The following PEX14 variants were observed in gnomAD, a reference collection of about 807,000 sequenced individuals.
PEX14 encodes peroxisomal membrane protein PEX14.
PEX14 carries 15 observed loss-of-function variants against 49.5 expected under a neutral mutation model. That is an observed-to-expected ratio of 0.30 (90% confidence interval 0.20 to 0.47). PEX14 has a LOEUF of 0.47. Ranked by LOEUF, PEX14 falls within the 20% of genes least tolerant of loss-of-function variation. The probability of loss-of-function intolerance (pLI) is 1.00; values close to 1 mark genes in which losing one functional copy is unlikely to be tolerated. For missense variants in PEX14, 398 were observed against 494.8 expected (o/e 0.80, Z 1.86); for synonymous variants, 210 against 212.7 (o/e 0.99, Z 0.11).
At chr1:10,509,595 G>A (rs926096229) in intron 2 of PEX14, among the ~76,000 whole-genome samples, 21 of 152,076 alleles carry the variant, frequency 1.4e-4, no homozygotes, top group Admixed American at 1.2e-3. Context: ...ACCTCAGCGG[G>A]CTCCATCAGG....
intron 2 of PEX14, among the ~76,000 whole-genome samples, chr1:10,498,044 C>G (rs1447177820): frequency 1.3e-5 from 2 of 152,190 alleles, no homozygotes; most frequent in African/African-American, 4.8e-5. Context: ...CTTTGGGAGG[C>G]CAAGGTCGGG....
chr1:10,495,429 G>A lies in PEX14; in HGVS notation c.84+108G>A, dbSNP rs577790338. The A allele has an allele frequency of 1.1e-6, 1 of 902,140 alleles. No homozygotes were observed. The highest frequency in any genetic ancestry group is 2.0e-5 in the Admixed American group (1 of 50,040). The allele number at this position is 902,140 out of a possible 1,614,324, so 55.9% of individuals were successfully genotyped here. A position where few individuals can be genotyped will look rare whatever the true frequency, so the allele number is the denominator to read the frequency against. ...CTGCGTCAGTAGTGTCCCTTTAAAA[G>A]TAGCTGTTACCTAGAGACTGCCTCT... On this transcript the variant is annotated intron_variant, in intron 2 of 8. Coordinates refer to ENST00000356607, the MANE Select transcript of PEX14 (RefSeq NM_004565.3). The surrounding 1 kb of genome is among the most constrained non-coding windows in gnomAD (Gnocchi z 4.2).
intron 1 of PEX14, among the ~76,000 whole-genome samples, chr1:10,475,348 AG>A (rs1641176710): frequency 6.6e-6 from 1 of 152,004 alleles, no homozygotes; most frequent in East Asian, 1.9e-4. Context: ...TGAGAAGGAG[AG>A]GATAGATCGA....
intron 2 of PEX14, among the ~76,000 whole-genome samples, chr1:10,526,221 A>AT (rs35251972): frequency 0.25 from 32,277 of 127,122 alleles, 4,713 homozygotes; most frequent in Admixed American, 0.36. Flanking sequence ...CGCCCGGCTG[A>AT]TTTTTTTTTT....
chr1:10,520,043 T>C (rs1177634513), intron 2 of PEX14, among the ~76,000 whole-genome samples: 1 of 152,082 alleles, frequency 6.6e-6, no homozygotes, highest in Non-Finnish European at 1.5e-5. Context: ...CTCACTTTGT[T>C]GCCCAGGCTG....
chr1:10,475,152 G>C (rs1429905991), intron 1 of PEX14, 150 bp downstream of exon 1: 1 of 725,684 alleles, frequency 1.4e-6, no homozygotes, highest in Non-Finnish European at 2.4e-6. Context: ...CCCTCCCCAG[G>C]TCCTCCCCAC....
rs1642020657 is a variant in PEX14 at position 10,519,000 on chromosome 1, C to A, written c.85-17213C>A. ...GTGGTAGTGGTGGAGTTGGAGAGGC[C>A]CCCACTTCTGTCAAAAGGAGTCGAG... is the stretch of plus-strand genomic sequence containing the variant. On this transcript the variant is annotated intron_variant, in intron 2 of 8. Coordinates refer to ENST00000356607, the MANE Select transcript of PEX14 (RefSeq NM_004565.3). Among the ~76,000 whole-genome samples the A allele has an allele frequency of 2.6e-5, 4 of 152,156 alleles. No individual in the cohort carries two copies. In the South Asian group the frequency reaches 8.3e-4, roughly 32 times the overall value.
At chr1:10,503,658 G>A (rs935491000) in intron 2 of PEX14, among the ~76,000 whole-genome samples, 5 of 151,834 alleles carry the variant, frequency 3.3e-5, no homozygotes, top group Non-Finnish European at 7.4e-5. Flanking sequence ...AGCCCCCAGT[G>A]TGAAAACTGT....
At chr1:10,481,486 G>C in intron 1 of PEX14, among the ~76,000 whole-genome samples, 1 of 152,098 alleles carries the variant, frequency 6.6e-6, no homozygotes, top group East Asian at 1.9e-4. Context: ...CTGTCACCCA[G>C]TCTGGAGTGG....
chr1:10,594,453 C>T (rs192564896), intron 3 of PEX14, among the ~76,000 whole-genome samples: 38 of 152,340 alleles, frequency 2.5e-4, no homozygotes, highest in African/African-American at 8.9e-4. Flanking sequence ...CACCGTTTGT[C>T]ACTGGCCCCC....
chr1:10,622,675 C>A (rs1376232186), intron 5 of PEX14, among the ~76,000 whole-genome samples: 3 of 152,294 alleles, frequency 2.0e-5, no homozygotes, highest in East Asian at 3.9e-4. Context: ...ACATTTATAT[C>A]TTACAACTTT....
chr1:10,482,338 C>T (rs151019429), intron 1 of PEX14, among the ~76,000 whole-genome samples: 26 of 150,998 alleles, frequency 1.7e-4, no homozygotes, highest in African/African-American at 5.6e-4. Flanking sequence ...CCATGTTGGC[C>T]GGGCTGGTCT....
intron 3 of PEX14, among the ~76,000 whole-genome samples, chr1:10,546,877 A>C (rs12144313): frequency 6.6e-6 from 1 of 152,114 alleles, no homozygotes; most frequent in African/African-American, 2.4e-5. Flanking sequence ...TCAAAAAAAA[A>C]CAAAAAACGA....
chr1:10,506,738 G>T (rs1641790116), intron 2 of PEX14, among the ~76,000 whole-genome samples: 1 of 152,232 alleles, frequency 6.6e-6, no homozygotes, highest in Non-Finnish European at 1.5e-5. Context: ...GAAGGATTCT[G>T]TACTTTGATT....
rs79776554 is a variant in PEX14, at chr1:10,508,083, C to T, written c.84+12762C>T. Among the ~76,000 whole-genome samples, 1,356 of 152,250 alleles carry T rather than the reference C, an allele frequency of 8.9e-3. 4 individuals are homozygous for T. Among genetic ancestry groups the T allele is most frequent in the Non-Finnish European group, 0.012 (825 of 68,006 alleles). On this transcript the variant is annotated intron_variant, in intron 2 of 8. Transcript: ENST00000356607. The stretch of plus-strand genomic sequence containing the variant: ...TTACCTGTTCTTCCTGTCAGCATTT[C>T]CCCCCAACCCCACTCCCTCCCCCTA...
chr1:10,618,671 C>T (rs1641502952), intron 5 of PEX14, among the ~76,000 whole-genome samples: 1 of 152,356 alleles, frequency 6.6e-6, no homozygotes, highest in African/African-American at 2.4e-5. Context: ...CTTGCAGGGG[C>T]GTCGTGAGGT....
chr1:10,542,118 A>G (rs1484104923), intron 3 of PEX14, among the ~76,000 whole-genome samples: 2 of 152,198 alleles, frequency 1.3e-5, no homozygotes, highest in African/African-American at 4.8e-5. Flanking sequence ...AAGGTAAGGC[A>G]TATACATGGT....
intron 1 of PEX14, among the ~76,000 whole-genome samples, chr1:10,475,546 G>A (rs1208475559): frequency 6.6e-6 from 1 of 152,194 alleles, no homozygotes; most frequent in Non-Finnish European, 1.5e-5. Flanking sequence ...GGAAAGGGAC[G>A]CACTGTGACT....
At chr1:10,537,267 C>T (rs1224705586) in intron 3 of PEX14, among the ~76,000 whole-genome samples, 12 of 146,666 alleles carry the variant, frequency 8.2e-5, no homozygotes, top group African/African-American at 2.9e-4. Context: ...TTCGCGGCAG[C>T]CCCAAGGCTG....
Sources: gnomAD v4.1 joint callset for allele counts (sites outside exome capture counted in the v4.1 genomes callset) on GRCh38, gnomAD v4.1.1 for gene constraint, Gnocchi (gnomAD v3.1) non-coding constraint, MANE v1.5 for transcripts, NCBI Gene and HGNC (gene_info 2026-07-23, HGNC 2026-07-21) for gene names.